The following MECOM variants were observed in gnomAD, a reference collection of about 807,000 sequenced individuals.
MECOM encodes the protein histone-lysine N-methyltransferase MECOM.
In MECOM, 13 loss-of-function variants were observed where a neutral mutation model predicts 116.3. The observed-to-expected ratio is 0.11, with a 90% confidence interval of 0.07 to 0.18. The LOEUF (loss-of-function observed/expected upper bound fraction) is 0.18. MECOM is among the 10% of genes least tolerant of loss of function. The pLI is 1.00. For missense variants in MECOM, 1,299 were observed against 1,509.0 expected (o/e 0.86, Z 2.31); for synonymous variants, 528 against 535.2 (o/e 0.99, Z 0.19).
chr3:169,625,191 A>C (rs1414905296), intron 1 of MECOM, among the ~76,000 whole-genome samples: 1 of 152,184 alleles, frequency 6.6e-6, no homozygotes, highest in African/African-American at 2.4e-5. Flanking sequence ...TAATAGTGAG[A>C]CTTATTTCTT....
intron 2 of MECOM, among the ~76,000 whole-genome samples, chr3:169,309,120 G>A (rs1718272647): frequency 1.3e-5 from 2 of 151,948 alleles, no homozygotes; most frequent in Non-Finnish European, 2.9e-5. Context: ...ACTACCAAAG[G>A]AATTCCCCTG....
At position 169,433,872 on chromosome 3, in the gene MECOM, G is replaced by T. The variant is rs117180661; in HGVS notation, c.38-52348C>A. On this transcript the variant is annotated intron_variant, in intron 1 of 16. Coordinates refer to ENST00000651503, the MANE Select transcript of MECOM (RefSeq NM_004991.4). ...AATGTTTGAACGCAGGAGATTCAAA[G>T]ATCACATTTGGAGAAGCACCTATCT... 1.8e-3 allele frequency among the ~76,000 whole-genome samples: 278 copies of T among 152,170 alleles called. 5 individuals are homozygous for T. In the East Asian group the frequency reaches 0.048, roughly 26 times the overall value.
At chr3:169,368,718 T>C (rs1729593875) in intron 2 of MECOM, among the ~76,000 whole-genome samples, 1 of 152,004 alleles carries the variant, frequency 6.6e-6, no homozygotes, top group African/African-American at 2.4e-5. Flanking sequence ...TCTAGAATAT[T>C]AAGCATCATA....
At chr3:169,512,999 A>G (rs975285296) in intron 1 of MECOM, among the ~76,000 whole-genome samples, 1 of 152,220 alleles carries the variant, frequency 6.6e-6, no homozygotes, top group Non-Finnish European at 1.5e-5. Flanking sequence ...CTTTGTGACA[A>G]TTCTATCAAC....
In MECOM at chr3:169,652,245, GT is replaced by G. The variant is rs547721645; in HGVS notation, c.37+11090del. Among the ~76,000 whole-genome samples, 9 of 152,280 alleles carry G rather than the reference GT, an allele frequency of 5.9e-5. No homozygotes were observed. The South Asian group carries it at 1.9e-3, about 32-fold the overall frequency. On this transcript the variant is annotated intron_variant, in intron 1 of 16. Transcript: ENST00000651503. ...ACAGGAGTCTGGGACCCAAAAGAAGGTCATGAACTATGACCCTAGCCAAAAC... is the reference window on the plus strand; with the variant it reads ...ACAGGAGTCTGGGACCCAAAAGAAGGCATGAACTATGACCCTAGCCAAAAC...
At chr3:169,451,210 TTC>T (rs1021571687) in intron 1 of MECOM, among the ~76,000 whole-genome samples, 4 of 152,150 alleles carry the variant, frequency 2.6e-5, no homozygotes, top group South Asian at 2.1e-4. Context: ...CTGAAAATAC[TTC>T]TCTCTGTCTC....
intron 1 of MECOM, among the ~76,000 whole-genome samples, chr3:169,384,451 A>G (rs145730484): frequency 4.1e-4 from 63 of 152,274 alleles, no homozygotes; most frequent in African/African-American, 1.5e-3. Flanking sequence ...GTTCAGGGAG[A>G]TTTTGCAATT....
chr3:169,659,900 G>A (rs1340087733), intron 1 of MECOM, among the ~76,000 whole-genome samples: 1 of 152,178 alleles, frequency 6.6e-6, no homozygotes, highest in African/African-American at 2.4e-5. Flanking sequence ...GCAAGTGTAG[G>A]AGTAACAAGT....
intron 1 of MECOM, among the ~76,000 whole-genome samples, chr3:169,476,473 C>A (rs960274694): frequency 1.6e-4 from 24 of 152,086 alleles, no homozygotes; most frequent in African/African-American, 5.6e-4. Flanking sequence ...CCTGTCTGCC[C>A]GGTGCTTGAC....
chr3:169,172,972 ATTG>A (rs1191777476), intron 2 of MECOM, among the ~76,000 whole-genome samples: 3 of 152,182 alleles, frequency 2.0e-5, no homozygotes, highest in Non-Finnish European at 4.4e-5. Flanking sequence ...CAGTTAAAGG[ATTG>A]TTATTATAAT....
At chr3:169,208,496 G>A (rs1404038708) in intron 2 of MECOM, among the ~76,000 whole-genome samples, 1 of 151,748 alleles carries the variant, frequency 6.6e-6, no homozygotes. Context: ...TGGGATTTGG[G>A]TAATAAATAA....
In MECOM at chr3:169,318,541, G is replaced by A. The variant is rs528006821; in HGVS notation, c.375+62646C>T. On this transcript the variant is annotated intron_variant, in intron 2 of 16. Coordinates refer to ENST00000651503, the MANE Select transcript of MECOM (RefSeq NM_004991.4). ...GAAGCTCAACATCACTGGTCATTAG[G>A]GAAATGTAAATCAAAACCACAATGA... Among the ~76,000 whole-genome samples, 77 of 152,202 alleles carry A rather than the reference G, an allele frequency of 5.1e-4. 1 individual carries two copies. Among genetic ancestry groups the A allele is most frequent in the African/African-American group, 1.8e-3 (73 of 41,526 alleles).
chr3:169,270,827 G>T (rs1033674540), intron 2 of MECOM, among the ~76,000 whole-genome samples: 1 of 152,080 alleles, frequency 6.6e-6, no homozygotes. Context: ...GCAATAACTG[G>T]CCCAAATTCA....
At chr3:169,267,545 T>C (rs1758461505) in intron 2 of MECOM, among the ~76,000 whole-genome samples, 2 of 151,946 alleles carry the variant, frequency 1.3e-5, no homozygotes, top group African/African-American at 2.4e-5. Context: ...GCTGAGGGGG[T>C]GGGCAGTAGG....
intron 2 of MECOM, among the ~76,000 whole-genome samples, chr3:169,212,634 ATGTATATATATATAT>A (rs1750896215): frequency 1.7e-4 from 1 of 6,056 alleles, no homozygotes; most frequent in Admixed American, 1.9e-3. Flanking sequence ...CTAGTCAGCA[ATGTATATATATATAT>A]ATATATATAT....
intron 2 of MECOM, among the ~76,000 whole-genome samples, chr3:169,173,148 A>G (rs572625523): frequency 1.3e-5 from 2 of 152,288 alleles, no homozygotes; most frequent in South Asian, 4.1e-4. Flanking sequence ...AAATTACAGC[A>G]TTTGATACTA....
At chr3:169,117,791 C>A (rs1729649166) in intron 7 of MECOM, among the ~76,000 whole-genome samples, 1 of 152,184 alleles carries the variant, frequency 6.6e-6, no homozygotes, top group Admixed American at 6.5e-5. Context: ...AACTTTGTAA[C>A]CCTTAATAAC....
intron 2 of MECOM, among the ~76,000 whole-genome samples, chr3:169,282,189 A>G (rs1195213416): frequency 6.6e-6 from 1 of 152,192 alleles, no homozygotes; most frequent in African/African-American, 2.4e-5. Context: ...AATAGAGTAT[A>G]AGCCTATTTG....
intron 15 of MECOM, 114 bp from the exon 16 acceptor site, chr3:169,089,297 G>A: frequency 1.5e-6 from 1 of 656,426 alleles, no homozygotes. Context: ...TATCTGCAAG[G>A]TAAAGTAGCA....
Sources: allele counts gnomAD v4.1 joint callset (sites outside exome capture counted in the v4.1 genomes callset), GRCh38; gene constraint gnomAD v4.1.1; transcripts MANE v1.5; gene names NCBI Gene and HGNC (gene_info 2026-07-23, HGNC 2026-07-21).